KALRN: variants seen among roughly 807,000 people sequenced by gnomAD.
The protein encoded by KALRN is kalirin RhoGEF kinase.
A neutral mutation model predicts 353.7 loss-of-function variants in KALRN; 70 were observed. That is an observed-to-expected ratio of 0.20 (90% CI 0.16 to 0.24). The LOEUF is 0.24. Ranked by LOEUF, KALRN falls within the 10% of genes least tolerant of loss-of-function variation. KALRN has a pLI of 1.00. For synonymous variants in KALRN, 1,391 were observed against 1,434.8 expected (o/e 0.97, Z 0.69); for missense variants, 2,791 against 3,756.7 (o/e 0.74, Z 6.72).
At chr3:124,384,755 G>A in intron 10 of KALRN, 90 bp from the exon 11 acceptor site, 1 of 1,284,698 alleles carries the variant, frequency 7.8e-7, no homozygotes, top group East Asian at 2.4e-5. Flanking sequence ...CAGCGCCCAC[G>A]CCCCTCCGCT....
At chr3:124,372,620 T>C (rs1340136139) in intron 10 of KALRN, among the ~76,000 whole-genome samples, 3 of 151,742 alleles carry the variant, frequency 2.0e-5, no homozygotes, top group East Asian at 3.8e-4. Flanking sequence ...TATTTATTTT[T>C]TTATTTATTA....
intron 20 of KALRN, among the ~76,000 whole-genome samples, chr3:124,446,513 G>A (rs1248318457): frequency 3.3e-5 from 5 of 152,188 alleles, no homozygotes; most frequent in Admixed American, 2.0e-4. Context: ...CCCCTAATTC[G>A]TGGATGATAT....
chr3:124,263,745 C>T (rs2073180739), intron 3 of KALRN, among the ~76,000 whole-genome samples: 2 of 152,160 alleles, frequency 1.3e-5, no homozygotes, highest in South Asian at 2.1e-4. Flanking sequence ...TATTCTTTGG[C>T]CCAGTTTGGG....
At chr3:124,475,585 T>G (rs777539001) in intron 26 of KALRN, among the ~76,000 whole-genome samples, 1 of 152,212 alleles carries the variant, frequency 6.6e-6, no homozygotes, top group Non-Finnish European at 1.5e-5. Flanking sequence ...GCTAATTGCC[T>G]TTCAAAGTGT....
intron 34 of KALRN, among the ~76,000 whole-genome samples, chr3:124,579,891 C>T (rs1433078337): frequency 6.6e-6 from 1 of 152,142 alleles, no homozygotes; most frequent in Non-Finnish European, 1.5e-5. Flanking sequence ...TGGCCACACC[C>T]AGGTCATGGG....
At chr3:124,194,419 G>A (rs1025614424) in intron 1 of KALRN, among the ~76,000 whole-genome samples, 3 of 151,988 alleles carry the variant, frequency 2.0e-5, no homozygotes, top group African/African-American at 7.3e-5. Context: ...GTTCTGTGAT[G>A]ATAGACAAGT....
chr3:124,100,106 G>T (rs1258487665), intron 1 of KALRN, among the ~76,000 whole-genome samples: 1 of 152,178 alleles, frequency 6.6e-6, no homozygotes, highest in Non-Finnish European at 1.5e-5. Flanking sequence ...AGAGGTTTCA[G>T]TGAGCCAAGA....
At chr3:124,361,408 T>G (rs1244566551) in intron 10 of KALRN, among the ~76,000 whole-genome samples, 2 of 152,274 alleles carry the variant, frequency 1.3e-5, no homozygotes, top group African/African-American at 4.8e-5. Context: ...TTCCTCTGTT[T>G]ATGTGTATAT....
At chr3:124,320,652 C>T (rs1398681732) in intron 6 of KALRN, among the ~76,000 whole-genome samples, 1 of 152,148 alleles carries the variant, frequency 6.6e-6, no homozygotes, top group Non-Finnish European at 1.5e-5. Context: ...GTTGAGGCAC[C>T]CCAAGAAGAC....
chr3:124,454,783 A>G (rs183770051), intron 21 of KALRN, among the ~76,000 whole-genome samples: 64 of 152,198 alleles, frequency 4.2e-4, no homozygotes, highest in African/African-American at 1.5e-3. Flanking sequence ...TAGTATTTAC[A>G]TTGTATTAGG....
At chr3:124,142,123 A>G (rs1429810890) in intron 1 of KALRN, among the ~76,000 whole-genome samples, 5 of 152,182 alleles carry the variant, frequency 3.3e-5, no homozygotes, top group African/African-American at 1.2e-4. Context: ...ACCCCAGGTG[A>G]TACTCACCTC....
chr3:124,069,281 A>G (rs1414180132), intron 1 of KALRN, among the ~76,000 whole-genome samples: 1 of 144,488 alleles, frequency 6.9e-6, no homozygotes, highest in Non-Finnish European at 1.5e-5. Context: ...CTATTGGATC[A>G]CCCTGGAGGG....
chr3:124,277,013 A>T (rs1055665916), intron 5 of KALRN, among the ~76,000 whole-genome samples: 1 of 152,166 alleles, frequency 6.6e-6, no homozygotes, highest in South Asian at 2.1e-4. Context: ...CTCTCTTTGG[A>T]GGCTCCTTGC....
chr3:124,179,289 A>T (rs1423910764), intron 1 of KALRN, among the ~76,000 whole-genome samples: 1 of 152,092 alleles, frequency 6.6e-6, no homozygotes, highest in Non-Finnish European at 1.5e-5. Context: ...AAACTTTTAA[A>T]ACTTTTTTTT....
chr3:124,654,995 T>C (rs561726486), intron 38 of KALRN, among the ~76,000 whole-genome samples: 44 of 152,320 alleles, frequency 2.9e-4, no homozygotes, highest in African/African-American at 1.0e-3. Context: ...ATGTGTGATT[T>C]TGGAATGTCT....
At chr3:124,208,167 G>A (rs880000) in intron 1 of KALRN, among the ~76,000 whole-genome samples, 87,620 of 152,034 alleles carry the variant, frequency 0.58, 25,903 homozygotes, top group Non-Finnish European at 0.65. Flanking sequence ...AGCCTGCAGC[G>A]TTATTATTAC....
chr3:124,712,669 A>AAG (rs1275426690), intron 57 of KALRN, among the ~76,000 whole-genome samples: 1 of 149,702 alleles, frequency 6.7e-6, no homozygotes, highest in African/African-American at 2.4e-5. Flanking sequence ...AAAAAAAAAA[A>AAG]AAAAGCTTTA....
At chr3:124,564,473 T>C (rs2072533985) in intron 34 of KALRN, among the ~76,000 whole-genome samples, 1 of 151,856 alleles carries the variant, frequency 6.6e-6, no homozygotes, top group Non-Finnish European at 1.5e-5. Flanking sequence ...GCTAGGAGTT[T>C]GAGACCAGAC....
At chr3:124,164,057 G>C (rs935663771) in intron 1 of KALRN, 20 of 812,378 alleles carry the variant, frequency 2.5e-5, no homozygotes, top group Non-Finnish European at 3.0e-5. Flanking sequence ...AGTTTTTATA[G>C]CTATCACTGC....
Sources: gnomAD v4.1 joint callset for allele counts (sites outside exome capture counted in the v4.1 genomes callset) on GRCh38, gnomAD v4.1.1 for gene constraint, MANE v1.5 for transcripts, NCBI Gene and HGNC (gene_info 2026-07-23, HGNC 2026-07-21) for gene names.